Variants in TMEM132D observed in about 807,000 individuals in gnomAD.
TMEM132D encodes the protein transmembrane protein 132D.
In TMEM132D, 21 loss-of-function variants were observed where a neutral mutation model predicts 62.3. The ratio of observed to expected loss-of-function variants is 0.34; its 90% CI spans 0.24 to 0.49. The LOEUF is 0.49. TMEM132D is among the 20% of genes least tolerant of loss of function. The pLI is 0.99. For synonymous variants in TMEM132D, 621 were observed against 575.6 expected (o/e 1.08, Z -1.13); for missense variants, 1,346 against 1,402.8 (o/e 0.96, Z 0.65).
At position 129,298,937 on chromosome 12, in the gene TMEM132D, G is replaced by A. The variant is rs755956714; in HGVS notation, c.1299+38697C>T. ...TCTTAGCACGAGACTTAAAAGACACGGTCACTGGCAAGGGCTTTTGCCATT... is the reference window on the plus strand; with the variant it reads ...TCTTAGCACGAGACTTAAAAGACACAGTCACTGGCAAGGGCTTTTGCCATT... On this transcript the variant is annotated intron_variant, in intron 4 of 8. Coordinates refer to ENST00000422113, the MANE Select transcript of TMEM132D (RefSeq NM_133448.3). Among the ~76,000 whole-genome samples, 16 of 152,124 alleles carry A rather than the reference G, an allele frequency of 1.1e-4. 1 individual carries two copies. Among genetic ancestry groups the A allele is most frequent in the African/African-American group, 2.4e-5 (1 of 41,422 alleles).
intron 2 of TMEM132D, among the ~76,000 whole-genome samples, chr12:129,655,700 C>T (rs1880054266): frequency 1.3e-5 from 2 of 152,064 alleles, no homozygotes; most frequent in Non-Finnish European, 2.9e-5. Context: ...AACAAAGTCC[C>T]TCATTTATTC....
At chr12:129,217,234 A>G (rs1252398476) in intron 4 of TMEM132D, among the ~76,000 whole-genome samples, 1 of 152,230 alleles carries the variant, frequency 6.6e-6, no homozygotes, top group Non-Finnish European at 1.5e-5. Flanking sequence ...AAAAAGAACG[A>G]GGTCATGTCC....
intron 5 of TMEM132D, chr12:129,085,115 C>T (rs756558384): frequency 5.6e-4 from 142 of 255,188 alleles, no homozygotes; most frequent in Non-Finnish European, 8.7e-4. Context: ...GTGAGAAGCC[C>T]AGGCTGTTTG....
At chr12:129,337,432 T>TACACACACGC (rs1187318229) in intron 4 of TMEM132D, among the ~76,000 whole-genome samples, 1 of 109,650 alleles carries the variant, frequency 9.1e-6, no homozygotes, top group African/African-American at 3.6e-5. Flanking sequence ...TAGATATAGA[T>TACACACACGC]ACACACACGC....
At chr12:129,349,275 C>T (rs1004309046) in intron 3 of TMEM132D, among the ~76,000 whole-genome samples, 1 of 152,128 alleles carries the variant, frequency 6.6e-6, no homozygotes, top group Admixed American at 6.6e-5. Flanking sequence ...ACCTATTTGC[C>T]TGAACCCACA....
intron 1 of TMEM132D, among the ~76,000 whole-genome samples, chr12:129,777,091 T>TGTTCA (rs1870963227): frequency 2.6e-5 from 4 of 152,226 alleles, no homozygotes; most frequent in Non-Finnish European, 5.9e-5. Flanking sequence ...GGTCTATAAA[T>TGTTCA]TGTAAACCTT....
chr12:129,786,165 C>A (rs1339116677), intron 1 of TMEM132D, among the ~76,000 whole-genome samples: 1 of 152,156 alleles, frequency 6.6e-6, no homozygotes, highest in Non-Finnish European at 1.5e-5. Context: ...CTCATGCTGC[C>A]CTGCCTCCTC....
At chr12:129,745,029 T>C (rs1217289915) in intron 1 of TMEM132D, among the ~76,000 whole-genome samples, 1 of 152,074 alleles carries the variant, frequency 6.6e-6, no homozygotes, top group East Asian at 1.9e-4. Context: ...GTTTGACTGT[T>C]CCTCCTACAC....
intron 4 of TMEM132D, among the ~76,000 whole-genome samples, chr12:129,287,426 C>T (rs764771587): frequency 6.6e-6 from 1 of 152,174 alleles, no homozygotes; most frequent in Non-Finnish European, 1.5e-5. Context: ...TCAATAGATG[C>T]TAAAATTTGT....
chr12:129,794,075 GGTTTT>G (rs1428926542), intron 1 of TMEM132D, among the ~76,000 whole-genome samples: 1 of 94,666 alleles, frequency 1.1e-5, no homozygotes, highest in Non-Finnish European at 3.0e-5. Flanking sequence ...TAAGTGTATG[GGTTTT>G]TTTTTTTCTT....
chr12:129,249,692 T>C (rs150938576), intron 4 of TMEM132D, among the ~76,000 whole-genome samples: 17 of 152,228 alleles, frequency 1.1e-4, no homozygotes, highest in Admixed American at 2.6e-4. Context: ...GAGTCTCAGT[T>C]ACAATAACAG....
intron 3 of TMEM132D, among the ~76,000 whole-genome samples, chr12:129,516,557 T>C (rs2137077866): frequency 6.6e-6 from 1 of 152,250 alleles, no homozygotes; most frequent in Middle Eastern, 3.4e-3. Flanking sequence ...TCGTGAGACT[T>C]ATTCACTACC....
intron 4 of TMEM132D, among the ~76,000 whole-genome samples, chr12:129,252,208 C>G (rs1338409919): frequency 1.3e-5 from 2 of 151,724 alleles, no homozygotes; most frequent in Non-Finnish European, 2.9e-5. Flanking sequence ...AAAATAAAAC[C>G]AAAAGATGGA....
chr12:129,672,562 T>C (rs1336923503), intron 2 of TMEM132D, among the ~76,000 whole-genome samples: 1 of 152,066 alleles, frequency 6.6e-6, no homozygotes, highest in African/African-American at 2.4e-5. Flanking sequence ...AGCCTGTACG[T>C]TTGAGGATGA....
intron 1 of TMEM132D, among the ~76,000 whole-genome samples, chr12:129,783,017 C>T (rs1355712308): frequency 6.6e-6 from 1 of 152,172 alleles, no homozygotes; most frequent in Non-Finnish European, 1.5e-5. Context: ...CTGTAGTAGT[C>T]GCAGTAGGTT....
intron 5 of TMEM132D, among the ~76,000 whole-genome samples, chr12:129,187,442 G>C (rs1878249798): frequency 6.6e-6 from 1 of 152,196 alleles, no homozygotes; most frequent in Non-Finnish European, 1.5e-5. Context: ...ACTTGGCTGA[G>C]GGTGTCAGGG....
At chr12:129,392,961 C>G (rs1159111421) in intron 3 of TMEM132D, among the ~76,000 whole-genome samples, 2 of 152,198 alleles carry the variant, frequency 1.3e-5, no homozygotes, top group Admixed American at 1.3e-4. Context: ...TGCATCCCAC[C>G]TGGAGAGAGC....
At chr12:129,578,608 G>T (rs2030458153) in intron 2 of TMEM132D, among the ~76,000 whole-genome samples, 1 of 151,980 alleles carries the variant, frequency 6.6e-6, no homozygotes, top group Non-Finnish European at 1.5e-5. Flanking sequence ...CAATATGGAG[G>T]CTGTTACATC....
chr12:129,287,096 G>T (rs1293016519), intron 4 of TMEM132D, among the ~76,000 whole-genome samples: 1 of 151,778 alleles, frequency 6.6e-6, no homozygotes, highest in Non-Finnish European at 1.5e-5. Context: ...AGCAATGGCT[G>T]ATTCCAGCCT....
Sources: allele counts gnomAD v4.1 joint callset (sites outside exome capture counted in the v4.1 genomes callset), GRCh38; gene constraint gnomAD v4.1.1; transcripts MANE v1.5; gene names NCBI Gene and HGNC (gene_info 2026-07-23, HGNC 2026-07-21).